The following GTSE1 variants were observed in gnomAD, a reference collection of about 807,000 sequenced individuals.
GTSE1 encodes the protein G2 and S-phase expressed 1.
Under a neutral mutation model 60.5 loss-of-function variants are expected in GTSE1, and 52 were observed. That is an observed-to-expected ratio of 0.86 (90% CI 0.69 to 1.08). The LOEUF (loss-of-function observed/expected upper bound fraction) is 1.08, where lower values mean the gene tolerates loss of function less well. Among genes scored for constraint, GTSE1 ranks in the 50% least tolerant of loss-of-function variants. GTSE1 has a pLI of 0.00. For synonymous variants in GTSE1, 368 were observed against 386.5 expected (o/e 0.95, Z 0.56); for missense variants, 937 against 961.8 (o/e 0.97, Z 0.34).
chr22:46,300,225 G>A (rs893881253), intron 2 of GTSE1, among the ~76,000 whole-genome samples: 1 of 151,970 alleles, frequency 6.6e-6, no homozygotes, highest in Admixed American at 6.6e-5. Flanking sequence ...AGCCTCCTGA[G>A]TAGCTGGGAT....
Position 46,297,397 on chromosome 22 carries a change from C to T in GTSE1, c.-4C>T. The stretch of plus-strand genomic sequence containing the variant: ...CCCTGCAGTGACTTCTGACAGCTCT[C>T]TCCATGGAAGGAGGCGGCGGCCGCG... On this transcript the variant is annotated 5_prime_UTR_variant, in exon 2 of 12. Transcript: ENST00000454366. This position sits in a 1 kb window ranked among gnomAD's most constrained non-coding sequence, Gnocchi z 4.9. 1.2e-6 allele frequency: 2 copies of T among 1,610,664 alleles called. No individual in the cohort carries two copies. The highest frequency in any genetic ancestry group is 1.7e-6 in the Non-Finnish European group (2 of 1,176,884).
intron 2 of GTSE1, among the ~76,000 whole-genome samples, chr22:46,303,392 T>C (rs2077700274): frequency 6.6e-6 from 1 of 152,242 alleles, no homozygotes; most frequent in South Asian, 2.1e-4. Flanking sequence ...TGCTCTGTAA[T>C]GATTTTGTCC....
rs1002343751 is a variant in GTSE1 at position 46,321,457 on chromosome 22, G to T, written c.1433-1733G>T. Among the ~76,000 whole-genome samples the T allele has an allele frequency of 3.5e-4, 54 of 152,170 alleles. 1 individual carries two copies. Among genetic ancestry groups the T allele is most frequent in the Non-Finnish European group, 1.3e-4 (9 of 68,030 alleles). On this transcript the variant is annotated intron_variant, in intron 7 of 11. Transcript: ENST00000454366. The surrounding 1 kb of genome is among the most constrained non-coding windows in gnomAD (Gnocchi z 4.0). Reference sequence around the variant, plus strand: ...TGAAAACGGAGGTGGAGAGAGGGTGGGAGCATGTTTGACTCAGCTGTGTGC... The same window carrying T: ...TGAAAACGGAGGTGGAGAGAGGGTGTGAGCATGTTTGACTCAGCTGTGTGC...
chr22:46,312,200 C>T lies in GTSE1; in HGVS notation c.822C>T (p.Ser274=). The change falls in exon 5 of 12, where the codon TCC becomes TCT. Residue 274 remains serine, a synonymous_variant. Transcript: ENST00000454366. ...SRTKIPAEKE[S]HRDVLPDKPA... ...CAAAAATCCCAGCTGAGAAGGAATC[C>T]CACCGGGATGTTCTCCCTGACAAAC... 6.2e-7 allele frequency: 1 copy of T among 1,613,970 alleles called. No homozygotes were observed. The highest frequency in any genetic ancestry group is 1.7e-5 in the Admixed American group (1 of 59,992).
intron 2 of GTSE1, among the ~76,000 whole-genome samples, chr22:46,307,027 G>C (rs1328940528): frequency 6.6e-6 from 1 of 152,212 alleles, no homozygotes; most frequent in Non-Finnish European, 1.5e-5. Context: ...GTAGAAGTGA[G>C]GTCCAGGCAC....
At position 46,310,832 on chromosome 22, in the gene GTSE1, A is replaced by G. The variant is rs1400203262; in HGVS notation, c.763-1309A>G. On this transcript the variant is annotated intron_variant, in intron 4 of 11. Transcript: ENST00000454366. This position sits in a 1 kb window ranked among gnomAD's most constrained non-coding sequence, Gnocchi z 4.4. ...GTAATCCCAGCTACTTGGGAGGCTGAGGCAGGAGAATCGCCTGAACCCAGG... is the reference window on the plus strand; with the variant it reads ...GTAATCCCAGCTACTTGGGAGGCTGGGGCAGGAGAATCGCCTGAACCCAGG... Among the ~76,000 whole-genome samples, 1 of 152,184 alleles carries G rather than the reference A, an allele frequency of 6.6e-6. No homozygotes were observed. Among genetic ancestry groups the G allele is most frequent in the East Asian group, 1.9e-4 (1 of 5,176 alleles).
In GTSE1 at chr22:46,308,588, G is replaced by T; in HGVS notation, c.407G>T (p.Arg136Ile). Residue 136 changes from arginine to isoleucine, a missense_variant, in exon 4 of 12, where the codon AGA (arginine) becomes ATA (isoleucine). By Grantham distance (97) the Arg-to-Ile change is moderately conservative. Coordinates refer to ENST00000454366, the MANE Select transcript of GTSE1 (RefSeq NM_016426.7). ...PEDPRSQGVE[R>I]FIQESKLKIN... ...GACCCTCGGAGCCAGGGCGTGGAAAGATTCATACAGGAGTCAAAATTAAAA... is the reference window on the plus strand; with the variant it reads ...GACCCTCGGAGCCAGGGCGTGGAAATATTCATACAGGAGTCAAAATTAAAA... 2 of 1,614,158 alleles carry T rather than the reference G, an allele frequency of 1.2e-6. No homozygotes were observed. Among genetic ancestry groups the T allele is most frequent in the Non-Finnish European group, 1.7e-6 (2 of 1,180,032 alleles).
chr22:46,328,577 G>T (rs2077856966), intron 9 of GTSE1, 111 bp from the exon 10 acceptor site: 1 of 773,824 alleles, frequency 1.3e-6, no homozygotes, highest in African/African-American at 1.7e-5. Context: ...CCTAGAGCCG[G>T]GACGCACTCC....
Position 46,329,224 on chromosome 22 carries a change from C to T in GTSE1, c.1927-134C>T. ...GGCCCACCCCATACAGAGCCTCCTT[C>T]CACCAAGGCCCCGCCTGATTCCTTG... On this transcript the variant is annotated intron_variant, in intron 10 of 11. Transcript: ENST00000454366. This position sits in a 1 kb window ranked among gnomAD's most constrained non-coding sequence, Gnocchi z 6.4. 1.3e-6 allele frequency: 1 copy of T among 781,370 alleles called. No homozygotes were observed. The highest frequency in any genetic ancestry group is 2.2e-6 in the Non-Finnish European group (1 of 448,852). The allele number at this position is 781,370 out of a possible 1,614,324, so 48.4% of individuals were successfully genotyped here.
rs1476424005 is a variant in GTSE1, at chr22:46,308,415, G to T, written c.234G>T (p.Gln78His). ...SLELNNPVPE[Q>H]PPLPTSESPF... is the part of the protein sequence containing the mutation. ...AATTAAATAATCCGGTTCCCGAACA[G>T]CCTCCGTTGCCCACATCTGAGAGTC... Residue 78 changes from glutamine to histidine, a missense_variant, in exon 4 of 12, where the codon CAG becomes CAT. By Grantham distance (24) the Gln-to-His change is conservative (BLOSUM62 0). Transcript: ENST00000454366. 3 of 1,614,192 alleles carry T rather than the reference G, an allele frequency of 1.9e-6. No homozygotes were observed. Among genetic ancestry groups the T allele is most frequent in the Non-Finnish European group, 1.7e-6 (2 of 1,180,036 alleles).
At chr22:46,299,854 G>A (rs1439298388) in intron 2 of GTSE1, among the ~76,000 whole-genome samples, 1 of 150,290 alleles carries the variant, frequency 6.7e-6, no homozygotes, top group East Asian at 1.9e-4. Context: ...GTGCAGTGGC[G>A]TGATCTCGGC....
intron 4 of GTSE1, among the ~76,000 whole-genome samples, chr22:46,311,321 GC>G (rs1337804446): frequency 1.3e-5 from 2 of 152,120 alleles, no homozygotes; most frequent in African/African-American, 2.4e-5. Flanking sequence ...CAGGTGATCT[GC>G]CCGCCTCGGC....
intron 4 of GTSE1, among the ~76,000 whole-genome samples, chr22:46,311,399 A>G (rs868208906): frequency 1.3e-5 from 2 of 152,098 alleles, no homozygotes; most frequent in Middle Eastern, 3.2e-3. Flanking sequence ...CTTTTTTGGG[A>G]CACCACTATA....
intron 2 of GTSE1, among the ~76,000 whole-genome samples, chr22:46,300,062 G>A (rs1334970765): frequency 2.7e-5 from 4 of 149,716 alleles, no homozygotes; most frequent in African/African-American, 4.9e-5. Context: ...CTGGGCCTCC[G>A]GAAGTGCTGG....
Position 46,316,475 on chromosome 22 carries a change from T to G in GTSE1, c.1432+63T>G. 8.9e-7 allele frequency: 1 copy of G among 1,120,508 alleles called. No homozygotes were observed. The highest frequency in any genetic ancestry group is 1.5e-5 in the South Asian group (1 of 64,640). 69.4% of individuals were successfully genotyped at this position (1,120,508 alleles called of 1,614,324 possible). On this transcript the variant is annotated intron_variant, in intron 7 of 11. Transcript: ENST00000454366. This position sits in a 1 kb window ranked among gnomAD's most constrained non-coding sequence, Gnocchi z 5.0. ...TACTGAAGAAATTGCATTTAAAGTT[T>G]TAAACAATTATTGATGGCATTGATG...
At position 46,329,715 on chromosome 22, in the gene GTSE1, C is replaced by A. The variant is rs1034114531; in HGVS notation, c.2136+148C>A. On this transcript the variant is annotated intron_variant, in intron 11 of 11. Coordinates refer to ENST00000454366, the MANE Select transcript of GTSE1 (RefSeq NM_016426.7). The surrounding 1 kb of genome is among the most constrained non-coding windows in gnomAD (Gnocchi z 6.4). ...ACCTCAGGGCAGGATGCACCTTTGG[C>A]AGCCTGAGCTTCTCAAAGATCAGCT... The A allele has an allele frequency of 8.7e-6, 6 of 687,866 alleles. No homozygotes were observed. The highest frequency in any genetic ancestry group is 5.4e-5 in the East Asian group (2 of 36,900). 42.6% of individuals were successfully genotyped at this position (687,866 alleles called of 1,614,324 possible).
rs1340944921 is a variant in GTSE1 at position 46,317,316 on chromosome 22, C to A, written c.1432+904C>A. Among the ~76,000 whole-genome samples, 1 of 149,544 alleles carries A rather than the reference C, an allele frequency of 6.7e-6. No individual in the cohort carries two copies. The highest frequency in any genetic ancestry group is 1.5e-5 in the Non-Finnish European group (1 of 66,488). ...TTGGGTAGTTTCTGTTGTCAGATAT[C>A]ATTTCTTCTGCAGTGCCTAACAGCT... is the stretch of plus-strand genomic sequence containing the variant. On this transcript the variant is annotated intron_variant, in intron 7 of 11. Coordinates refer to ENST00000454366, the MANE Select transcript of GTSE1 (RefSeq NM_016426.7). This position sits in a 1 kb window ranked among gnomAD's most constrained non-coding sequence, Gnocchi z 5.6.
chr22:46,301,058 T>C (rs2077686741), intron 2 of GTSE1, among the ~76,000 whole-genome samples: 1 of 152,240 alleles, frequency 6.6e-6, no homozygotes, highest in South Asian at 2.1e-4. Flanking sequence ...TCTTGATGAA[T>C]ATTGTGTATC....
chr22:46,324,995 T>A lies in GTSE1; in HGVS notation c.1506-1441T>A, dbSNP rs1263884418. Among the ~76,000 whole-genome samples the A allele has an allele frequency of 6.6e-6, 1 of 152,140 alleles. No individual in the cohort carries two copies. Among genetic ancestry groups the A allele is most frequent in the Non-Finnish European group, 1.5e-5 (1 of 68,016 alleles). ...TATTTTAAAATAATGTCTTTGTCCT[T>A]TTTGGGCTACTATAACAAACGTTCT... On this transcript the variant is annotated intron_variant, in intron 8 of 11. Transcript: ENST00000454366. The surrounding 1 kb of genome is among the most constrained non-coding windows in gnomAD (Gnocchi z 5.2).
Sources: gnomAD v4.1 joint callset for allele counts (sites outside exome capture counted in the v4.1 genomes callset) on GRCh38, gnomAD v4.1.1 for gene constraint, Gnocchi (gnomAD v3.1) non-coding constraint, MANE v1.5 for transcripts, NCBI Gene and HGNC (gene_info 2026-07-23, HGNC 2026-07-21) for gene names.